CTNNA2: variants seen among roughly 807,000 people sequenced by gnomAD.
The protein encoded by CTNNA2 is catenin alpha-2.
A neutral mutation model predicts 101.0 loss-of-function variants in CTNNA2; 42 were observed. That is an observed-to-expected ratio of 0.42 (90% CI 0.32 to 0.54). The LOEUF (loss-of-function observed/expected upper bound fraction) is 0.54, where lower values mean the gene tolerates loss of function less well. CTNNA2 is among the 20% of genes least tolerant of loss of function. CTNNA2 has a pLI of 0.14. For synonymous variants in CTNNA2, 450 were observed against 456.4 expected (o/e 0.99, Z 0.18); for missense variants, 871 against 1,223.1 (o/e 0.71, Z 4.29).
At position 79,350,086 on chromosome 2, in the gene CTNNA2, A is replaced by T. The variant is rs375818492; in HGVS notation, c.-317-23745A>T. Among the ~76,000 whole-genome samples, 550 of 151,366 alleles carry T rather than the reference A, an allele frequency of 3.6e-3. 2 individuals carry two copies. The highest frequency in any genetic ancestry group is 4.8e-3 in the Non-Finnish European group (325 of 67,792). On this transcript the variant is annotated intron_variant, in intron 3 of 21. Coordinates refer to the CTNNA2 transcript ENST00000466387. ...GAGACTCCTTCTCAAAAAAAAAAAA[A>T]AAAAAAAAAAAAATGAGGTCAAGTT... is the stretch of plus-strand genomic sequence containing the variant.
chr2:79,923,571 C>G (rs571630227), intron 7 of CTNNA2, among the ~76,000 whole-genome samples: 2 of 152,206 alleles, frequency 1.3e-5, no homozygotes, highest in Admixed American at 1.3e-4. Context: ...TACCAACTTA[C>G]CATTTGTTTG....
intron 4 of CTNNA2, among the ~76,000 whole-genome samples, chr2:79,859,348 C>T (rs1681402804): frequency 6.6e-6 from 1 of 152,020 alleles, no homozygotes; most frequent in Non-Finnish European, 1.5e-5. Flanking sequence ...CAGATTTGTT[C>T]AGTAGGAGGA....
At chr2:79,870,004 C>T in intron 5 of CTNNA2, 69 bp downstream of exon 5, 2 of 1,552,710 alleles carry the variant, frequency 1.3e-6, no homozygotes, top group Non-Finnish European at 1.7e-6. Context: ...GCTTTTTAGG[C>T]CTGAACAATG....
chr2:79,247,354 G>T (rs1336408159), intron 2 of CTNNA2, among the ~76,000 whole-genome samples: 2 of 152,194 alleles, frequency 1.3e-5, no homozygotes. Context: ...ATAAACATGA[G>T]AAAATATTTT....
chr2:80,199,397 T>C (rs938437061), intron 7 of CTNNA2, among the ~76,000 whole-genome samples: 4 of 152,198 alleles, frequency 2.6e-5, no homozygotes, highest in Admixed American at 6.5e-5. Flanking sequence ...TTTTGTGTGC[T>C]GTGACACATT....
chr2:80,639,174 A>G lies in CTNNA2; in HGVS notation c.2575-8411A>G, dbSNP rs188926022. On this transcript the variant is annotated intron_variant, in intron 18 of 18. Coordinates refer to ENST00000402739, the MANE Select transcript of CTNNA2 (RefSeq NM_001282597.3). Reference sequence around the variant, plus strand: ...GTTATCGCACAGAATTTCACTTATCAGGGATCAGTATGTGTTGTAATATTA... The same window carrying G: ...GTTATCGCACAGAATTTCACTTATCGGGGATCAGTATGTGTTGTAATATTA... 1.8e-3 allele frequency among the ~76,000 whole-genome samples: 278 copies of G among 152,296 alleles called. 1 individual carries two copies. The highest frequency in any genetic ancestry group is 6.4e-3 in the African/African-American group (264 of 41,564).
intron 4 of CTNNA2, among the ~76,000 whole-genome samples, chr2:79,450,557 T>A (rs182352476): frequency 6.6e-6 from 1 of 152,100 alleles, no homozygotes; most frequent in African/African-American, 2.4e-5. Context: ...ATGCTTTTTG[T>A]TTGAATCAAG....
intron 7 of CTNNA2, among the ~76,000 whole-genome samples, chr2:80,282,357 A>G (rs926448262): frequency 2.0e-5 from 3 of 152,140 alleles, no homozygotes; most frequent in Non-Finnish European, 2.9e-5. Flanking sequence ...TTCTTTAGAC[A>G]TGATTTTTTG....
chr2:79,635,828 A>G (rs1680001297), intron 1 of CTNNA2, among the ~76,000 whole-genome samples: 2 of 151,782 alleles, frequency 1.3e-5, no homozygotes, highest in South Asian at 4.2e-4. Flanking sequence ...CTATTCATTG[A>G]CATATGACCA....
At chr2:80,069,766 G>C (rs1204325745) in intron 7 of CTNNA2, among the ~76,000 whole-genome samples, 1 of 152,152 alleles carries the variant, frequency 6.6e-6, no homozygotes, top group African/African-American at 2.4e-5. Context: ...GTCAGTGACA[G>C]TCCTCCTTTC....
intron 3 of CTNNA2, among the ~76,000 whole-genome samples, chr2:79,849,337 G>A (rs1680490891): frequency 6.7e-6 from 1 of 148,682 alleles, no homozygotes; most frequent in African/African-American, 2.5e-5. Context: ...TCTGAATACT[G>A]CTTATTTAAG....
At chr2:79,774,384 G>A (rs924488000) in intron 3 of CTNNA2, among the ~76,000 whole-genome samples, 2 of 152,238 alleles carry the variant, frequency 1.3e-5, no homozygotes, top group Non-Finnish European at 2.9e-5. Context: ...GAGAATACCC[G>A]CCATGCCTCC....
At chr2:80,587,281 G>A (rs574939810) in intron 14 of CTNNA2, among the ~76,000 whole-genome samples, 1 of 152,116 alleles carries the variant, frequency 6.6e-6, no homozygotes, top group East Asian at 1.9e-4. Context: ...TATACATAAG[G>A]AATCATAACA....
chr2:80,355,933 C>CTTTTTTTTTT (rs564774712), intron 7 of CTNNA2, among the ~76,000 whole-genome samples: 6 of 151,812 alleles, frequency 4.0e-5, no homozygotes, highest in African/African-American at 1.2e-4. Context: ...TCACATTGTT[C>CTTTTTTTTTT]TTTTTTTTCT....
intron 7 of CTNNA2, among the ~76,000 whole-genome samples, chr2:80,084,638 T>C (rs2148810438): frequency 6.6e-6 from 1 of 152,228 alleles, no homozygotes; most frequent in Admixed American, 6.5e-5. Context: ...TCATGCTTTC[T>C]ACACACCTCC....
At chr2:80,504,292 A>G (rs565119608) in intron 9 of CTNNA2, among the ~76,000 whole-genome samples, 1 of 152,268 alleles carries the variant, frequency 6.6e-6, no homozygotes, top group African/African-American at 2.4e-5. Context: ...TCCTTGCCAC[A>G]TGGTTCTCTC....
intron 2 of CTNNA2, among the ~76,000 whole-genome samples, chr2:79,251,567 T>C (rs917204001): frequency 5.9e-5 from 9 of 152,030 alleles, no homozygotes; most frequent in Non-Finnish European, 1.0e-4. Flanking sequence ...AGGGACCTCT[T>C]TTGCTTTCTC....
At chr2:79,829,105 C>T (rs1473656532) in intron 3 of CTNNA2, among the ~76,000 whole-genome samples, 3 of 152,132 alleles carry the variant, frequency 2.0e-5, no homozygotes, top group Non-Finnish European at 4.4e-5. Flanking sequence ...CAGTTGAGAT[C>T]TGACCACTTG....
At chr2:80,047,734 G>A (rs145184511) in intron 7 of CTNNA2, among the ~76,000 whole-genome samples, 121 of 152,314 alleles carry the variant, frequency 7.9e-4, no homozygotes, top group Middle Eastern at 3.4e-3. Flanking sequence ...AGGATTCAGG[G>A]TAAGGAATCC....
Sources: allele counts gnomAD v4.1 joint callset (sites outside exome capture counted in the v4.1 genomes callset), GRCh38; gene constraint gnomAD v4.1.1; transcripts MANE v1.5; gene names NCBI Gene and HGNC (gene_info 2026-07-23, HGNC 2026-07-21).